Variants in FRYL observed in about 807,000 individuals in gnomAD.
FRYL encodes protein furry homolog-like.
In FRYL, 150 loss-of-function variants were observed where a neutral mutation model predicts 351.2. The ratio of observed to expected loss-of-function variants is 0.43; its 90% CI spans 0.37 to 0.49. FRYL has a LOEUF of 0.49. Among genes scored for constraint, FRYL ranks in the 20% least tolerant of loss-of-function variants. The probability of loss-of-function intolerance (pLI) is 0.00; values close to 1 mark genes in which losing one functional copy is unlikely to be tolerated. For synonymous variants in FRYL, 1,153 were observed against 1,257.1 expected, an observed-to-expected ratio of 0.92 and a Z score of 1.75; for missense variants, 3,036 against 3,619.3, an observed-to-expected ratio of 0.84 and a Z score of 4.13.
intron 3 of FRYL, among the ~76,000 whole-genome samples, chr4:48,683,364 C>A (rs1301279372): frequency 6.6e-6 from 1 of 150,898 alleles, no homozygotes; most frequent in Non-Finnish European, 1.5e-5. Context: ...CACGTGTATA[C>A]CTATGTAACA....
Position 48,575,731 on chromosome 4 carries a change from G to C in FRYL, c.2721+299C>G, listed in dbSNP as rs530579354. Among the ~76,000 whole-genome samples, 135 of 152,262 alleles carry C rather than the reference G, an allele frequency of 8.9e-4. 2 individuals are homozygous for C. The highest frequency in any genetic ancestry group is 1.3e-3 in the Non-Finnish European group (86 of 68,024). ...TCCTTTTGGGTTCTGAGAAGTGTGA[G>C]AACTATAAAAACTAGAATATGGGAA... On this transcript the variant is annotated intron_variant, in intron 24 of 63. Transcript: ENST00000358350.
chr4:48,709,952 A>C (rs574434286), intron 2 of FRYL, among the ~76,000 whole-genome samples: 1 of 152,240 alleles, frequency 6.6e-6, no homozygotes, highest in East Asian at 1.9e-4. Flanking sequence ...TTTTCTTTTA[A>C]AGGTCTCCCA....
At chr4:48,609,182 AT>A in intron 8 of FRYL, 115 bp from the exon 9 acceptor site, 1 of 654,256 alleles carries the variant, frequency 1.5e-6, no homozygotes, top group Non-Finnish European at 2.7e-6. Context: ...CTGAATATTC[AT>A]TTATATGATA....
At position 48,602,108 on chromosome 4, in the gene FRYL, A is replaced by G. The variant is rs1745831721; in HGVS notation, c.947T>C (p.Leu316Pro). The G allele has an allele frequency of 6.4e-7, 1 of 1,570,198 alleles. No homozygotes were observed. The highest frequency in any genetic ancestry group is 1.3e-5 in the African/African-American group (1 of 74,112). ...RKKHSLALYP[L>P]ITCLLCVSQK... ...ACTGACACATAAAAGGCAGGTAATT[A>G]GTGGATATAAAGCCTATAGGAGACG... The change falls in exon 13 of 64, where the codon CTA becomes CCA. Residue 316 changes from leucine (L) to proline (P), a missense_variant. By Grantham distance (98) the Leu-to-Pro change is moderately conservative (BLOSUM62 -3). This residue lies in a region of FRYL where 457 missense variants were observed against 566.6 expected (regional missense o/e 0.81). Transcript: ENST00000358350.
intron 3 of FRYL, chr4:48,637,306 T>C (rs538823363): frequency 1.1e-3 from 168 of 152,228 alleles, no homozygotes; most frequent in African/African-American, 3.6e-3. Flanking sequence ...TTCATCATAA[T>C]GTTCAGCCTT....
intron 24 of FRYL, among the ~76,000 whole-genome samples, chr4:48,575,646 C>G (rs1371267196): frequency 3.3e-5 from 5 of 152,018 alleles, no homozygotes; most frequent in Non-Finnish European, 7.4e-5. Context: ...TATCAAGTAC[C>G]CTTTAGATCA....
chr4:48,592,374 TGAAAAGAAAATACAGATCCAA>T (rs1291291796), intron 16 of FRYL, among the ~76,000 whole-genome samples: 1 of 151,862 alleles, frequency 6.6e-6, no homozygotes, highest in Non-Finnish European at 1.5e-5. Flanking sequence ...CAAAAGTCCT[TGAAAAGAAAATACAGATCCAA>T]GAAAAGAAAA....
chr4:48,677,753 T>C (rs888492462), intron 3 of FRYL, among the ~76,000 whole-genome samples: 6 of 152,184 alleles, frequency 3.9e-5, no homozygotes, highest in South Asian at 2.1e-4. Flanking sequence ...ATTAAAGAAG[T>C]TGGAAACAAC....
intron 1 of FRYL, among the ~76,000 whole-genome samples, chr4:48,715,268 G>A (rs1399838281): frequency 2.6e-5 from 4 of 151,490 alleles, no homozygotes; most frequent in Non-Finnish European, 5.9e-5. Flanking sequence ...GGAAGTTCTG[G>A]CCAGGGCAAT....
intron 1 of FRYL, among the ~76,000 whole-genome samples, chr4:48,764,879 C>T (rs1239612587): frequency 1.3e-5 from 2 of 152,164 alleles, no homozygotes; most frequent in African/African-American, 4.8e-5. Context: ...AAGTCTTGCT[C>T]TGTTGCCCAG....
intron 3 of FRYL, among the ~76,000 whole-genome samples, chr4:48,683,722 G>C (rs1405186606): frequency 6.6e-6 from 1 of 152,160 alleles, no homozygotes; most frequent in Admixed American, 6.5e-5. Context: ...CTGACTTTTA[G>C]AAGCAGATTG....
intron 3 of FRYL, among the ~76,000 whole-genome samples, chr4:48,635,052 G>T (rs910131444): frequency 6.6e-6 from 1 of 152,154 alleles, no homozygotes; most frequent in Non-Finnish European, 1.5e-5. Flanking sequence ...GACTGAACGT[G>T]CATGCTTAAA....
intron 26 of FRYL, among the ~76,000 whole-genome samples, chr4:48,572,933 C>T (rs1023742089): frequency 3.9e-5 from 6 of 152,294 alleles, no homozygotes; most frequent in East Asian, 1.9e-4. Flanking sequence ...ATTTACCATC[C>T]GGTCCTTTGC....
chr4:48,543,444 C>T (rs1037784528), intron 44 of FRYL, among the ~76,000 whole-genome samples: 11 of 152,126 alleles, frequency 7.2e-5, no homozygotes, highest in African/African-American at 2.7e-4. Context: ...AACTGAAGTT[C>T]TCTAGTGCAA....
chr4:48,610,038 T>C (rs1747733782), intron 7 of FRYL, among the ~76,000 whole-genome samples: 1 of 152,198 alleles, frequency 6.6e-6, no homozygotes, highest in African/African-American at 2.4e-5. Context: ...ATTAGCTTCA[T>C]AATCACAAAT....
At chr4:48,698,243 T>C (rs115664218) in intron 2 of FRYL, among the ~76,000 whole-genome samples, 7 of 152,368 alleles carry the variant, frequency 4.6e-5, no homozygotes, top group African/African-American at 1.7e-4. Context: ...TCACAGCTCC[T>C]GTTACCAGAA....
At chr4:48,711,180 G>C (rs1176340754) in intron 1 of FRYL, among the ~76,000 whole-genome samples, 1 of 152,230 alleles carries the variant, frequency 6.6e-6, no homozygotes. Flanking sequence ...GAGGTACTGG[G>C]TTCATCTCAC....
intron 2 of FRYL, among the ~76,000 whole-genome samples, chr4:48,701,742 CA>C (rs760464897): frequency 2.0e-5 from 3 of 152,108 alleles, no homozygotes; most frequent in Non-Finnish European, 4.4e-5. Flanking sequence ...ACAATGAGTC[CA>C]AAGGTATCTC....
intron 3 of FRYL, among the ~76,000 whole-genome samples, chr4:48,645,368 A>G (rs1263815924): frequency 6.6e-6 from 1 of 151,964 alleles, no homozygotes; most frequent in African/African-American, 2.4e-5. Context: ...CCTTCTGATA[A>G]TAATTCAGCT....
Sources: allele counts gnomAD v4.1 joint callset (sites outside exome capture counted in the v4.1 genomes callset), GRCh38; gene constraint gnomAD v4.1.1; regional missense constraint gnomAD v4.1.1; transcripts MANE v1.5; gene names NCBI Gene and HGNC (gene_info 2026-07-23, HGNC 2026-07-21).